Variants in OSBPL10 observed in about 807,000 individuals in gnomAD.
OSBPL10 encodes oxysterol-binding protein-related protein 10.
Under a neutral mutation model 81.7 loss-of-function variants are expected in OSBPL10, and 49 were observed. The observed-to-expected ratio is 0.60, with a 90% CI of 0.48 to 0.76. OSBPL10 has a LOEUF of 0.76. OSBPL10 is among the 30% of genes least tolerant of loss of function. OSBPL10 has a pLI of 0.00. For missense variants in OSBPL10, 923 were observed against 987.8 expected (o/e 0.93, Z 0.88); for synonymous variants, 419 against 383.6 (o/e 1.09, Z -1.08).
chr3:32,037,798 G>T (rs1170611370), intron 2 of OSBPL10: 2 of 156,022 alleles, frequency 1.3e-5, no homozygotes, highest in East Asian at 3.7e-4. Context: ...AGGGAGAGAA[G>T]AACAGCCCAC....
rs1439770963 is a variant in OSBPL10, at chr3:31,774,174, A to AAAG, written c.730-26055_730-26054insCTT. ...CAAAACTCCATCTCAAAAAAAAAAA[A>AAAG]AAAAAGAAAGACAGACTGAAAACAG... On this transcript the variant is annotated intron_variant, in intron 4 of 11. Transcript: ENST00000396556. Among the ~76,000 whole-genome samples, 4 of 151,624 alleles carry AAAG rather than the reference A, an allele frequency of 2.6e-5. 1 individual carries two copies. The highest frequency in any genetic ancestry group is 1.3e-4 in the Admixed American group (2 of 15,276).
intron 3 of OSBPL10, among the ~76,000 whole-genome samples, chr3:31,856,693 A>T (rs1204916649): frequency 6.6e-6 from 1 of 152,256 alleles, no homozygotes; most frequent in Non-Finnish European, 1.5e-5. Flanking sequence ...AAAGAAAATA[A>T]AACAGCTTTA....
At chr3:31,845,263 G>C (rs147626432) in intron 3 of OSBPL10, among the ~76,000 whole-genome samples, 7 of 152,184 alleles carry the variant, frequency 4.6e-5, no homozygotes, top group Non-Finnish European at 1.0e-4. Context: ...TATGCCACAA[G>C]GTATGTGGAA....
At chr3:31,761,820 A>AAAAAAAAAAAC (rs1553622716) in intron 4 of OSBPL10, among the ~76,000 whole-genome samples, 5 of 149,672 alleles carry the variant, frequency 3.3e-5, no homozygotes, top group Non-Finnish European at 7.4e-5. Flanking sequence ...CTCTAAAAAA[A>AAAAAAAAAAAC]AAAAAAAAAA....
chr3:32,020,589 T>C (rs1223129320), intron 2 of OSBPL10, among the ~76,000 whole-genome samples: 1 of 152,204 alleles, frequency 6.6e-6, no homozygotes, highest in African/African-American at 2.4e-5. Flanking sequence ...AATGCTGCTA[T>C]GAGTAATTGC....
intron 4 of OSBPL10, among the ~76,000 whole-genome samples, chr3:31,782,275 C>T (rs1419287575): frequency 6.6e-6 from 1 of 152,134 alleles, no homozygotes; most frequent in Non-Finnish European, 1.5e-5. Context: ...TCACCTTACA[C>T]AAAAATCAAC....
intron 4 of OSBPL10, among the ~76,000 whole-genome samples, chr3:31,808,221 A>C (rs933993036): frequency 6.6e-6 from 1 of 152,166 alleles, no homozygotes; most frequent in Admixed American, 6.5e-5. Context: ...CAGGTTTGAC[A>C]GGAGGTTGGA....
intron 5 of OSBPL10, among the ~76,000 whole-genome samples, chr3:31,742,313 AT>A (rs1697376457): frequency 6.6e-6 from 1 of 152,232 alleles, no homozygotes; most frequent in Non-Finnish European, 1.5e-5. Context: ...AGTCTCACTT[AT>A]TTGGCCCTTT....
intron 3 of OSBPL10, among the ~76,000 whole-genome samples, chr3:31,860,427 G>A (rs1339027060): frequency 6.6e-6 from 1 of 152,176 alleles, no homozygotes; most frequent in Non-Finnish European, 1.5e-5. Context: ...AACTGCATTA[G>A]AAGGATTTAC....
rs539085151 is a variant in OSBPL10, at chr3:31,914,551, C to CA, written c.282-34722dup. On this transcript the variant is annotated intron_variant, in intron 1 of 11. Coordinates refer to ENST00000396556, the MANE Select transcript of OSBPL10 (RefSeq NM_017784.5). ...GAACCCACTTTGGGAAATGTCACAG[C>CA]AAAAATATATCCAAGATGGGACTCT... Among the ~76,000 whole-genome samples, 120 of 152,186 alleles carry CA rather than the reference C, an allele frequency of 7.9e-4. 1 individual carries two copies. Among genetic ancestry groups the CA allele is most frequent in the Admixed American group, 3.8e-3 (58 of 15,290 alleles).
intron 4 of OSBPL10, among the ~76,000 whole-genome samples, chr3:31,781,401 A>G (rs1698691919): frequency 6.6e-6 from 1 of 152,200 alleles, no homozygotes; most frequent in Non-Finnish European, 1.5e-5. Context: ...GAGAACTGGA[A>G]CAAGACAAGG....
intron 5 of OSBPL10, among the ~76,000 whole-genome samples, chr3:31,744,801 C>T (rs1331642671): frequency 6.7e-6 from 1 of 149,026 alleles, no homozygotes; most frequent in Non-Finnish European, 1.5e-5. Context: ...AAAAAAACAA[C>T]GAATTTTCTA....
intron 4 of OSBPL10, among the ~76,000 whole-genome samples, chr3:31,755,482 A>G (rs906820758): frequency 2.0e-5 from 3 of 152,162 alleles, no homozygotes; most frequent in Non-Finnish European, 4.4e-5. Flanking sequence ...CTAGATATTT[A>G]CCTGCTTTCT....
intron 4 of OSBPL10, among the ~76,000 whole-genome samples, chr3:31,770,742 C>T (rs925393364): frequency 2.6e-5 from 4 of 151,954 alleles, no homozygotes; most frequent in South Asian, 2.1e-4. Flanking sequence ...ACCAAGATCG[C>T]GTCATTGCAC....
At chr3:31,698,868 T>G (rs1695807875) in intron 7 of OSBPL10, among the ~76,000 whole-genome samples, 1 of 152,184 alleles carries the variant, frequency 6.6e-6, no homozygotes, top group African/African-American at 2.4e-5. Flanking sequence ...CTATTTCTCT[T>G]CATTATACTT....
intron 1 of OSBPL10, among the ~76,000 whole-genome samples, chr3:31,908,882 T>C (rs962773391): frequency 6.6e-6 from 1 of 152,236 alleles, no homozygotes; most frequent in Non-Finnish European, 1.5e-5. Flanking sequence ...ATTGTTTTAT[T>C]TGGCTTTCAC....
At chr3:31,672,998 G>C (rs1559408558) in intron 8 of OSBPL10, among the ~76,000 whole-genome samples, 1 of 152,178 alleles carries the variant, frequency 6.6e-6, no homozygotes, top group Non-Finnish European at 1.5e-5. Context: ...TATCAGAAGA[G>C]ATGGGCCTTC....
intron 1 of OSBPL10, among the ~76,000 whole-genome samples, chr3:31,928,886 T>C (rs895508557): frequency 1.1e-4 from 16 of 151,138 alleles, no homozygotes; most frequent in African/African-American, 2.9e-4. Flanking sequence ...AATATAAAAA[T>C]CACAATCCAA....
chr3:31,684,730 G>A (rs1486056347), intron 7 of OSBPL10, among the ~76,000 whole-genome samples: 1 of 152,228 alleles, frequency 6.6e-6, no homozygotes, highest in Non-Finnish European at 1.5e-5. Flanking sequence ...CCATCAGCAG[G>A]CAAATATCCA....
Sources: allele counts gnomAD v4.1 joint callset (sites outside exome capture counted in the v4.1 genomes callset), GRCh38; gene constraint gnomAD v4.1.1; transcripts MANE v1.5; gene names NCBI Gene and HGNC (gene_info 2026-07-23, HGNC 2026-07-21).